Variants in NIPBL observed in about 807,000 individuals in gnomAD.
The protein encoded by NIPBL is nipped-B-like protein.
NIPBL carries 19 observed loss-of-function variants against 321.8 expected under a neutral mutation model. The observed-to-expected ratio is 0.06, with a 90% CI of 0.04 to 0.09. The LOEUF is 0.09. NIPBL is among the 10% of genes least tolerant of loss of function. NIPBL has a pLI of 1.00. For synonymous variants in NIPBL, 1,106 were observed against 1,114.1 expected, an observed-to-expected ratio of 0.99 and a Z score of 0.14; for missense variants, 2,210 against 3,327.0, an observed-to-expected ratio of 0.66 and a Z score of 8.26.
At chr5:37,053,517 T>C (rs925747297) in intron 42 of NIPBL, among the ~76,000 whole-genome samples, 3 of 152,190 alleles carry the variant, frequency 2.0e-5, no homozygotes, top group Non-Finnish European at 1.5e-5. Context: ...AACAATATAC[T>C]GTAATAAAAG....
intron 1 of NIPBL, chr5:36,885,976 G>T (rs1389765526): frequency 2.7e-6 from 2 of 729,086 alleles, no homozygotes; most frequent in Non-Finnish European, 5.0e-6. Context: ...AATACGACGA[G>T]CTAGCTCAGA....
At chr5:37,014,390 C>T (rs1281310801) in intron 21 of NIPBL, among the ~76,000 whole-genome samples, 1 of 151,400 alleles carries the variant, frequency 6.6e-6, no homozygotes, top group African/African-American at 2.4e-5. Context: ...CAATCCATTT[C>T]TTTCTGTTCT....
intron 9 of NIPBL, among the ~76,000 whole-genome samples, chr5:36,984,215 T>C (rs2149642084): frequency 6.6e-6 from 1 of 152,216 alleles, no homozygotes; most frequent in Non-Finnish European, 1.5e-5. Flanking sequence ...AAAACTTATA[T>C]TTCCTGTTTG....
At chr5:37,022,987 T>C (rs1201262418) in intron 29 of NIPBL, among the ~76,000 whole-genome samples, 1 of 152,218 alleles carries the variant, frequency 6.6e-6, no homozygotes, top group African/African-American at 2.4e-5. Flanking sequence ...CATTAGGAAA[T>C]ATCTGTGGAA....
intron 44 of NIPBL, 73 bp from the exon 45 acceptor site, chr5:37,060,771 A>G (rs1754579021): frequency 3.1e-6 from 4 of 1,277,620 alleles, no homozygotes; most frequent in South Asian, 1.3e-5. Context: ...GGTGCTTCCT[A>G]CCTATAATTG....
In NIPBL at chr5:37,022,183, C is replaced by T. The variant is rs182380681; in HGVS notation, c.5427+34C>T. 129 of 1,612,676 alleles carry T rather than the reference C, an allele frequency of 8.0e-5. No homozygotes were observed. In the African/African-American group the frequency reaches 1.3e-3, roughly 16 times the overall value. Reference sequence around the variant, plus strand: ...CAAAAATGATTCTTTCTTTTCTACTCGAATTGGAATATTCACTCTATTTAG... The same window carrying T: ...CAAAAATGATTCTTTCTTTTCTACTTGAATTGGAATATTCACTCTATTTAG... On this transcript the variant is annotated intron_variant, in intron 28 of 46. Coordinates refer to ENST00000282516, the MANE Select transcript of NIPBL (RefSeq NM_133433.4).
intron 44 of NIPBL, 139 bp downstream of exon 44, chr5:37,059,304 C>T (rs1338337950): frequency 1.1e-5 from 9 of 817,820 alleles, no homozygotes; most frequent in East Asian, 2.5e-5. Context: ...GTCAGGAGTT[C>T]GAGACCAGCC....
intron 34 of NIPBL, among the ~76,000 whole-genome samples, chr5:37,038,944 G>A (rs1437176462): frequency 6.6e-6 from 1 of 152,064 alleles, no homozygotes; most frequent in Non-Finnish European, 1.5e-5. Flanking sequence ...AACTCCTCAA[G>A]CCAAACCCTC....
intron 1 of NIPBL, among the ~76,000 whole-genome samples, chr5:36,886,962 T>C (rs1476679409): frequency 6.6e-6 from 1 of 152,148 alleles, no homozygotes; most frequent in Non-Finnish European, 1.5e-5. Context: ...AGTTTAAAAT[T>C]GTTAACTTTG....
At chr5:36,929,468 G>A (rs1343333872) in intron 1 of NIPBL, among the ~76,000 whole-genome samples, 2 of 152,030 alleles carry the variant, frequency 1.3e-5, no homozygotes, top group Non-Finnish European at 2.9e-5. Context: ...AGCTTCATCA[G>A]ATTTGTGATT....
At chr5:37,019,247 A>G (rs1561167535) in intron 24 of NIPBL, 64 bp from the exon 25 acceptor site, 2 of 1,030,836 alleles carry the variant, frequency 1.9e-6, no homozygotes, top group African/African-American at 1.6e-5. Context: ...TGTGTTTACA[A>G]TTAGGTGATT....
chr5:36,902,712 C>T (rs1369443679), intron 1 of NIPBL, among the ~76,000 whole-genome samples: 1 of 151,982 alleles, frequency 6.6e-6, no homozygotes, highest in African/African-American at 2.4e-5. Flanking sequence ...CTTAGGATTT[C>T]TTTGGCTATT....
intron 1 of NIPBL, among the ~76,000 whole-genome samples, chr5:36,884,900 A>T (rs1191149379): frequency 6.6e-6 from 1 of 152,200 alleles, no homozygotes; most frequent in Non-Finnish European, 1.5e-5. Flanking sequence ...AAAGATAAAG[A>T]AAAATTTAAA....
chr5:36,913,363 T>G (rs941041455), intron 1 of NIPBL, among the ~76,000 whole-genome samples: 3 of 151,404 alleles, frequency 2.0e-5, no homozygotes, highest in Non-Finnish European at 4.4e-5. Flanking sequence ...TTTATAAAAG[T>G]GCCTAGTTTT....
At chr5:37,002,434 A>G (rs1404958577) in intron 14 of NIPBL, among the ~76,000 whole-genome samples, 7 of 152,196 alleles carry the variant, frequency 4.6e-5, no homozygotes, top group Non-Finnish European at 1.0e-4. Context: ...AGTATATCTA[A>G]AGTAGTAAAG....
chr5:36,903,675 G>T (rs1009338825), intron 1 of NIPBL, among the ~76,000 whole-genome samples: 3 of 152,062 alleles, frequency 2.0e-5, no homozygotes, highest in African/African-American at 7.2e-5. Flanking sequence ...AAATGATGGA[G>T]AACTTTATTT....
intron 1 of NIPBL, among the ~76,000 whole-genome samples, chr5:36,948,858 C>G (rs1293051989): frequency 6.6e-5 from 10 of 151,684 alleles, no homozygotes; most frequent in Non-Finnish European, 1.3e-4. Context: ...CTCCATAAAG[C>G]CAGAGTCACC....
intron 9 of NIPBL, among the ~76,000 whole-genome samples, chr5:36,979,105 T>G (rs1411890348): frequency 6.6e-6 from 1 of 152,004 alleles, no homozygotes; most frequent in Admixed American, 6.6e-5. Flanking sequence ...TTTAGGATAG[T>G]TTTTCCAGTT....
intron 1 of NIPBL, among the ~76,000 whole-genome samples, chr5:36,879,239 T>A (rs1194103431): frequency 6.6e-6 from 1 of 152,234 alleles, no homozygotes; most frequent in Non-Finnish European, 1.5e-5. Flanking sequence ...AGAGGTTGTC[T>A]TATGCAGATG....
Sources: gnomAD v4.1 joint callset for allele counts (sites outside exome capture counted in the v4.1 genomes callset) on GRCh38, gnomAD v4.1.1 for gene constraint, MANE v1.5 for transcripts, NCBI Gene and HGNC (gene_info 2026-07-23, HGNC 2026-07-21) for gene names.